EVC2: variants seen among roughly 807,000 people sequenced by gnomAD.
EVC2 encodes the protein EvC ciliary complex subunit 2.
A neutral mutation model predicts 149.3 loss-of-function variants in EVC2; 148 were observed. That is an observed-to-expected ratio of 0.99 (90% CI 0.87 to 1.14). EVC2 has a LOEUF of 1.14. Ranked by LOEUF, EVC2 falls within the 50% of genes most tolerant of loss-of-function variation. The pLI is 0.00. For missense variants in EVC2, 1,854 were observed against 1,627.3 expected, an observed-to-expected ratio of 1.14 and a Z score of -2.40; for synonymous variants, 776 against 649.9, an observed-to-expected ratio of 1.19 and a Z score of -2.95.
intron 10 of EVC2, among the ~76,000 whole-genome samples, chr4:5,632,615 A>G (rs1193194989): frequency 1.3e-5 from 2 of 152,160 alleles, no homozygotes; most frequent in African/African-American, 4.8e-5. Flanking sequence ...TCTCAACTTC[A>G]CTGAAGAGAA....
chr4:5,648,666 A>G (rs1256813318), intron 9 of EVC2, among the ~76,000 whole-genome samples: 1 of 152,226 alleles, frequency 6.6e-6, no homozygotes, highest in East Asian at 1.9e-4. Flanking sequence ...TCCCTCTCAC[A>G]GAAGATTGGC....
intron 4 of EVC2, 22 bp from the exon 5 acceptor site, chr4:5,689,365 T>C: frequency 1.2e-6 from 2 of 1,613,372 alleles, no homozygotes; most frequent in Non-Finnish European, 1.7e-6. Context: ...GGAGAAGGCA[T>C]GAGGGCAGAT....
rs755352456 is a variant in EVC2 at position 5,663,138 on chromosome 4, C to G, written c.1114G>C (p.Asp372His). 6.2e-7 allele frequency: 1 copy of G among 1,614,128 alleles called. No homozygotes were observed. Among genetic ancestry groups the G allele is most frequent in the Non-Finnish European group, 8.5e-7 (1 of 1,180,014 alleles). Residue 372 changes from aspartate (D) to histidine (H), a missense_variant, in exon 9 of 22, where the codon GAC (aspartate) becomes CAC (histidine). Asp to His is a moderately conservative substitution (Grantham distance 81, BLOSUM62 -1). Coordinates refer to ENST00000344408, the MANE Select transcript of EVC2 (RefSeq NM_147127.5). Reference protein sequence around the residue: ...DQMIDILSSEDPGSMLQALEE... With the variant: ...DQMIDILSSEHPGSMLQALEE... The stretch of plus-strand genomic sequence containing the variant: ...AAGGCTTGAAGCATGCTCCCAGGGT[C>G]CTCGGAAGACAGAATGTCTATCATT...
chr4:5,553,103 T>G (rs1407052165), intron 21 of EVC2, among the ~76,000 whole-genome samples: 4 of 152,128 alleles, frequency 2.6e-5, no homozygotes, highest in Non-Finnish European at 5.9e-5. Flanking sequence ...CTTAATTAGC[T>G]CATGGTTCCA....
At chr4:5,557,132 A>G (rs1291552275) in intron 21 of EVC2, among the ~76,000 whole-genome samples, 1 of 152,158 alleles carries the variant, frequency 6.6e-6, no homozygotes, top group Non-Finnish European at 1.5e-5. Context: ...AAGGAAAACT[A>G]GAGACCTATA....
chr4:5,585,011 A>G (rs1377635591), intron 16 of EVC2, among the ~76,000 whole-genome samples, 161 bp from the exon 17 acceptor site: 1 of 152,138 alleles, frequency 6.6e-6, no homozygotes, highest in Non-Finnish European at 1.5e-5. Flanking sequence ...AACATCAGAA[A>G]AGGCTGTCCC....
chr4:5,599,153 G>C (rs1713742594), intron 16 of EVC2, among the ~76,000 whole-genome samples: 1 of 151,852 alleles, frequency 6.6e-6, no homozygotes, highest in African/African-American at 2.4e-5. Flanking sequence ...CATTGTGCAA[G>C]TCAGTGTGGC....
intron 19 of EVC2, among the ~76,000 whole-genome samples, chr4:5,573,543 A>G (rs1241081372): frequency 6.6e-6 from 1 of 152,202 alleles, no homozygotes; most frequent in Non-Finnish European, 1.5e-5. Flanking sequence ...TACTTAAGTG[A>G]GCAGGAAACA....
intron 9 of EVC2, among the ~76,000 whole-genome samples, chr4:5,649,164 G>A (rs1411429025): frequency 3.9e-5 from 6 of 152,126 alleles, no homozygotes; most frequent in African/African-American, 1.2e-4. Flanking sequence ...TCAACAGCTC[G>A]GCAAAGTTAG....
At chr4:5,697,438 C>T (rs1009749070) in intron 2 of EVC2, among the ~76,000 whole-genome samples, 155 bp downstream of exon 2, 1 of 152,128 alleles carries the variant, frequency 6.6e-6, no homozygotes, top group Non-Finnish European at 1.5e-5. Context: ...GGTACACTGC[C>T]CTAGTTCTGT....
chr4:5,665,494 C>A (rs778283949), intron 8 of EVC2, 21 bp downstream of exon 8: 3 of 1,613,842 alleles, frequency 1.9e-6, no homozygotes, highest in East Asian at 2.2e-5. Context: ...ACCTTCCAAA[C>A]CACCCTCAGG....
In EVC2 at chr4:5,675,279, G is replaced by A. The variant is rs148322385; in HGVS notation, c.870+5981C>T. 2.0e-5 allele frequency among the ~76,000 whole-genome samples: 3 copies of A among 152,244 alleles called. No homozygotes were observed. In the East Asian group the frequency reaches 5.8e-4, roughly 29 times the overall value. On this transcript the variant is annotated intron_variant, in intron 7 of 21. Transcript: ENST00000344408. The stretch of plus-strand genomic sequence containing the variant: ...CCAGTTTTCTCCAGATCACATCCTA[G>A]TAGCCCATATTTACTTTTTACTAAT...
At chr4:5,628,840 A>G in intron 11 of EVC2, 106 bp from the exon 12 acceptor site, 2 of 1,206,842 alleles carry the variant, frequency 1.7e-6, no homozygotes, top group South Asian at 2.8e-5. Flanking sequence ...AAAATACACA[A>G]GAAAAGAAAC....
intron 17 of EVC2, among the ~76,000 whole-genome samples, chr4:5,582,360 C>T (rs1178590936): frequency 6.6e-6 from 1 of 152,220 alleles, no homozygotes; most frequent in Admixed American, 6.5e-5. Flanking sequence ...GAATATGAGA[C>T]ATGGAGTCAA....
At chr4:5,535,994 A>G in the EVC2 span, among the ~76,000 whole-genome samples, 1 of 151,698 alleles carries the variant, frequency 6.6e-6, no homozygotes, top group Non-Finnish European at 1.5e-5. The surrounding 1 kb of genome is among the most constrained non-coding windows in gnomAD (Gnocchi z 4.7). Flanking sequence ...CCCTTGCCAT[A>G]CTTCCCTGTT....
At chr4:5,651,134 A>ATGAATGG (rs1718115256) in intron 9 of EVC2, among the ~76,000 whole-genome samples, 1 of 151,816 alleles carries the variant, frequency 6.6e-6, no homozygotes, top group Non-Finnish European at 1.5e-5. Context: ...GGGATAGATG[A>ATGAATGG]ATGAATGGAT....
At chr4:5,664,238 G>A (rs1174762557) in intron 8 of EVC2, among the ~76,000 whole-genome samples, 6 of 152,124 alleles carry the variant, frequency 3.9e-5, no homozygotes, top group Non-Finnish European at 2.9e-5. Context: ...AGAAGAGCCC[G>A]GTTGATTTTT....
chr4:5,663,878 G>A (rs1025810873), intron 8 of EVC2, among the ~76,000 whole-genome samples: 6 of 152,040 alleles, frequency 3.9e-5, no homozygotes, highest in Admixed American at 1.3e-4. Flanking sequence ...CCGAGATTGC[G>A]CCACTGCACT....
chr4:5,694,599 C>T (rs79024204), intron 2 of EVC2, 98 bp from the exon 3 acceptor site: 2 of 1,406,382 alleles, frequency 1.4e-6, no homozygotes, highest in East Asian at 2.3e-5. Flanking sequence ...ATGGAAGGTA[C>T]TTAGAAGACG....
Sources: gnomAD v4.1 joint callset for allele counts (sites outside exome capture counted in the v4.1 genomes callset) on GRCh38, gnomAD v4.1.1 for gene constraint, Gnocchi (gnomAD v3.1) non-coding constraint, MANE v1.5 for transcripts, NCBI Gene and HGNC (gene_info 2026-07-23, HGNC 2026-07-21) for gene names.